The following LCP1 variants were observed in gnomAD, a reference collection of about 807,000 sequenced individuals.
LCP1 encodes the protein plastin-2.
LCP1 carries 23 observed loss-of-function variants against 72.0 expected under a neutral mutation model. The ratio of observed to expected loss-of-function variants is 0.32; its 90% confidence interval spans 0.23 to 0.45. The LOEUF is 0.45. LCP1 is among the 20% of genes least tolerant of loss of function. The pLI is 1.00. For missense variants in LCP1, 571 were observed against 748.3 expected, an observed-to-expected ratio of 0.76 and a Z score of 2.76; for synonymous variants, 245 against 275.4, an observed-to-expected ratio of 0.89 and a Z score of 1.09.
intron 13 of LCP1, among the ~76,000 whole-genome samples, chr13:46,140,068 A>C (rs2045688262): frequency 6.6e-6 from 1 of 152,200 alleles, no homozygotes; most frequent in South Asian, 2.1e-4. Flanking sequence ...GCATAGGAGG[A>C]GAAAACCCAA....
intron 9 of LCP1, among the ~76,000 whole-genome samples, chr13:46,147,318 T>C (rs1288617789): frequency 1.3e-5 from 2 of 152,246 alleles, no homozygotes; most frequent in East Asian, 3.8e-4. Context: ...CAAGGATCTC[T>C]CATCTCCTTT....
intron 6 of LCP1, chr13:46,153,345 A>T (rs1243560489): frequency 6.5e-6 from 1 of 154,314 alleles, no homozygotes; most frequent in Non-Finnish European, 1.4e-5. Context: ...ACAATTGTTG[A>T]TGTAAATCAA....
chr13:46,148,203 C>T, intron 9 of LCP1, 149 bp downstream of exon 9: 5 of 607,582 alleles, frequency 8.2e-6, no homozygotes, highest in South Asian at 2.3e-5. Flanking sequence ...ATTATTATCC[C>T]AAACTGCTCA....
intron 1 of LCP1, among the ~76,000 whole-genome samples, chr13:46,163,918 T>C (rs971095126): frequency 4.6e-5 from 7 of 152,234 alleles, no homozygotes; most frequent in Non-Finnish European, 8.8e-5. Flanking sequence ...TCTCCGGCTG[T>C]CCAGCCCTTC....
intron 13 of LCP1, among the ~76,000 whole-genome samples, chr13:46,134,531 C>A (rs2045652480): frequency 6.6e-6 from 1 of 151,420 alleles, no homozygotes; most frequent in Non-Finnish European, 1.5e-5. Flanking sequence ...GGAAAAAATG[C>A]AAGGAAAGGA....
At chr13:46,152,980 T>C (rs781216974) in intron 6 of LCP1, 35 bp from the exon 7 acceptor site, 5 of 1,590,408 alleles carry the variant, frequency 3.1e-6, no homozygotes, top group Non-Finnish European at 1.7e-6. Context: ...TTTTGTTCTA[T>C]GACTTTGTAG....
At chr13:46,162,633 G>C (rs866563013) in intron 1 of LCP1, among the ~76,000 whole-genome samples, 1 of 151,964 alleles carries the variant, frequency 6.6e-6, no homozygotes, top group African/African-American at 2.4e-5. Flanking sequence ...GTGCAGTGGC[G>C]TGATCTCGGC....
At chr13:46,148,686 G>A in intron 8 of LCP1, 1 of 477,968 alleles carries the variant, frequency 2.1e-6, no homozygotes, top group Admixed American at 4.2e-5. Flanking sequence ...TACACAAAAG[G>A]CACCCTAAAG....
intron 11 of LCP1, among the ~76,000 whole-genome samples, chr13:46,143,893 C>T (rs1426865500): frequency 1.3e-5 from 2 of 152,048 alleles, no homozygotes; most frequent in Non-Finnish European, 2.9e-5. Flanking sequence ...GGTGGAACCC[C>T]GTCTCTACTA....
intron 12 of LCP1, among the ~76,000 whole-genome samples, chr13:46,143,030 CT>C (rs1406570558): frequency 6.6e-6 from 1 of 152,216 alleles, no homozygotes; most frequent in Non-Finnish European, 1.5e-5. Context: ...CTGTGGCTCT[CT>C]GCTTGCTCTA....
chr13:46,141,341 G>A (rs2045696464), intron 13 of LCP1, among the ~76,000 whole-genome samples: 1 of 134,180 alleles, frequency 7.5e-6, no homozygotes, highest in Non-Finnish European at 1.5e-5. Flanking sequence ...AGGAGGTGGA[G>A]ATTGCAGTGA....
rs79267292 is a variant in LCP1 at position 46,159,478 on chromosome 13, A to G, written c.64+121T>C. On this transcript the variant is annotated intron_variant, in intron 2 of 15. Transcript: ENST00000323076. ...ATAAGTTCTCCCAGCTCCTCTAAAC[A>G]AATACTACTGGTTTCTTGTCATCTC... The G allele has an allele frequency of 1.7e-3, 1,341 of 771,528 alleles. 12 individuals carry two copies. The African/African-American group carries it at 0.021, about 12-fold the overall frequency. The allele number at this position is 771,528 out of a possible 1,614,324, so 47.8% of individuals were successfully genotyped here.
At chr13:46,140,497 A>G (rs916819356) in intron 13 of LCP1, among the ~76,000 whole-genome samples, 1 of 152,258 alleles carries the variant, frequency 6.6e-6, no homozygotes, top group African/African-American at 2.4e-5. Flanking sequence ...CCTCAAATGG[A>G]TCAAACTGTA....
intron 8 of LCP1, among the ~76,000 whole-genome samples, chr13:46,149,542 G>A (rs2045750579): frequency 6.6e-6 from 1 of 152,188 alleles, no homozygotes; most frequent in African/African-American, 2.4e-5. Flanking sequence ...TAGCCTGGGT[G>A]TTCTCCTCGC....
chr13:46,171,819 G>A (rs988595425), intron 1 of LCP1, among the ~76,000 whole-genome samples: 10 of 152,246 alleles, frequency 6.6e-5, no homozygotes, highest in Admixed American at 3.3e-4. Context: ...AATGGTGTGC[G>A]TCCAATTATA....
chr13:46,153,030 C>T (rs1218838395), intron 6 of LCP1, 85 bp from the exon 7 acceptor site: 19 of 1,345,060 alleles, frequency 1.4e-5, no homozygotes, highest in Non-Finnish European at 1.7e-5. Flanking sequence ...CAATGTTTTC[C>T]TTCTGCGAAG....
chr13:46,158,702 C>T (rs1167944482), intron 3 of LCP1, 51 bp from the exon 4 acceptor site: 1 of 1,611,486 alleles, frequency 6.2e-7, no homozygotes, highest in African/African-American at 1.3e-5. Context: ...TCAAGAAAAT[C>T]ACAAAGGAAA....
At chr13:46,131,881 G>A (rs986977796) in intron 14 of LCP1, among the ~76,000 whole-genome samples, 74 of 152,148 alleles carry the variant, frequency 4.9e-4, no homozygotes, top group African/African-American at 1.8e-3. Context: ...GTGGGTTAAA[G>A]GTGAAAAACC....
rs555913180 is a variant in LCP1 at position 46,158,806 on chromosome 13, G to A, written c.228+20C>T. On this transcript the variant is annotated intron_variant, in intron 3 of 15. Coordinates refer to ENST00000323076, the MANE Select transcript of LCP1 (RefSeq NM_002298.5). ...TTCCAAGTTTCAAATGTGTCTCCTT[G>A]TATTCTGCATGGTACTCACCTTGAT... is the stretch of plus-strand genomic sequence containing the variant. The A allele has an allele frequency of 4.3e-6, 7 of 1,612,506 alleles. No individual in the cohort carries two copies. The South Asian group carries it at 4.4e-5, about 10-fold the overall frequency.
Sources: gnomAD v4.1 joint callset for allele counts (sites outside exome capture counted in the v4.1 genomes callset) on GRCh38, gnomAD v4.1.1 for gene constraint, MANE v1.5 for transcripts, NCBI Gene and HGNC (gene_info 2026-07-23, HGNC 2026-07-21) for gene names.